Variants in RANBP9 observed in about 807,000 individuals in gnomAD.
The protein encoded by RANBP9 is RAN binding protein 9.
A neutral mutation model predicts 84.3 loss-of-function variants in RANBP9; 15 were observed. The ratio of observed to expected loss-of-function variants is 0.18; its 90% CI spans 0.12 to 0.27. RANBP9 has a LOEUF of 0.27. Ranked by LOEUF, RANBP9 falls within the 10% of genes least tolerant of loss-of-function variation. RANBP9 has a pLI of 1.00. For synonymous variants in RANBP9, 392 were observed against 349.6 expected (o/e 1.12, Z -1.35); for missense variants, 809 against 912.8 (o/e 0.89, Z 1.46).
At chr6:13,687,100 T>C (rs1399878346) in intron 2 of RANBP9, among the ~76,000 whole-genome samples, 1 of 152,202 alleles carries the variant, frequency 6.6e-6, no homozygotes, top group Non-Finnish European at 1.5e-5. Flanking sequence ...CCTTTAAATA[T>C]GGTGTTTCAG....
chr6:13,685,819 TG>T (rs577767427), intron 2 of RANBP9, among the ~76,000 whole-genome samples: 2 of 150,442 alleles, frequency 1.3e-5, no homozygotes, highest in South Asian at 4.2e-4. Flanking sequence ...TCCCAGCTAA[TG>T]GGAGGGAGGC....
rs185449872 is a variant in RANBP9, at chr6:13,706,985, G to A, written c.571+3950C>T. Among the ~76,000 whole-genome samples the A allele has an allele frequency of 2.8e-3, 382 of 137,016 alleles. 1 individual carries two copies. Among genetic ancestry groups the A allele is most frequent in the South Asian group, 3.4e-3 (15 of 4,364 alleles). 89.9% of individuals were successfully genotyped at this position (137,016 alleles called of 152,430 possible). A position where few individuals can be genotyped will look rare whatever the true frequency, so the allele number is the denominator to read the frequency against. Reference sequence around the variant, plus strand: ...TGTACCACCGCACTCCAGCCTGGACGATAGAGCAAGACTCTGTCTCAAAAA... The same window carrying A: ...TGTACCACCGCACTCCAGCCTGGACAATAGAGCAAGACTCTGTCTCAAAAA... On this transcript the variant is annotated intron_variant, in intron 1 of 13. Transcript: ENST00000011619.
At chr6:13,698,457 A>G (rs1008458994) in intron 1 of RANBP9, among the ~76,000 whole-genome samples, 1 of 152,246 alleles carries the variant, frequency 6.6e-6, no homozygotes, top group African/African-American at 2.4e-5. Context: ...AAATATGTTC[A>G]AATAATTAAG....
chr6:13,702,285 A>C (rs1477411742), intron 1 of RANBP9, among the ~76,000 whole-genome samples: 1 of 152,110 alleles, frequency 6.6e-6, no homozygotes, highest in Non-Finnish European at 1.5e-5. Flanking sequence ...TCTACTAAAA[A>C]CATAAAACTT....
At chr6:13,661,802 C>G (rs140524982) in intron 2 of RANBP9, among the ~76,000 whole-genome samples, 16 of 152,148 alleles carry the variant, frequency 1.1e-4, no homozygotes, top group African/African-American at 3.9e-4. Flanking sequence ...ATATCAATCA[C>G]GGGCATAATC....
At chr6:13,681,467 G>A (rs1271398591) in intron 2 of RANBP9, among the ~76,000 whole-genome samples, 3 of 152,100 alleles carry the variant, frequency 2.0e-5, no homozygotes, top group Admixed American at 1.3e-4. Flanking sequence ...AAAAGGTGCT[G>A]AAGAGGTTAC....
At chr6:13,671,140 G>C (rs1255958248) in intron 2 of RANBP9, among the ~76,000 whole-genome samples, 1 of 152,100 alleles carries the variant, frequency 6.6e-6, no homozygotes, top group Non-Finnish European at 1.5e-5. Flanking sequence ...CATACACTAG[G>C]ATGGCTAGAA....
At chr6:13,632,807 A>T (rs1349504386) in intron 11 of RANBP9, 1 of 207,630 alleles carries the variant, frequency 4.8e-6, no homozygotes, top group East Asian at 1.0e-4. Context: ...TAGAAAAAGT[A>T]TAATTCCCTA....
intron 2 of RANBP9, among the ~76,000 whole-genome samples, chr6:13,675,290 A>G (rs1168898484): frequency 7.2e-5 from 11 of 152,352 alleles, no homozygotes; most frequent in African/African-American, 2.2e-4. Context: ...TGCCTTAACT[A>G]AAGTCATACA....
chr6:13,690,919 A>G (rs1190985302), intron 2 of RANBP9, among the ~76,000 whole-genome samples: 4 of 152,130 alleles, frequency 2.6e-5, no homozygotes, highest in African/African-American at 9.7e-5. Context: ...TAATCCCAAC[A>G]CTTTGGGAGG....
At chr6:13,701,662 T>C in intron 1 of RANBP9, among the ~76,000 whole-genome samples, 1 of 151,112 alleles carries the variant, frequency 6.6e-6, no homozygotes, top group Non-Finnish European at 1.5e-5. Context: ...CCCAGCTACT[T>C]GGGAGGCTGA....
intron 2 of RANBP9, among the ~76,000 whole-genome samples, chr6:13,683,904 T>C (rs923369383): frequency 6.6e-6 from 1 of 152,142 alleles, no homozygotes; most frequent in Non-Finnish European, 1.5e-5. Context: ...ATGATGGTTA[T>C]ATATCTTTAG....
chr6:13,650,616 G>C (rs1000729682), intron 5 of RANBP9, among the ~76,000 whole-genome samples: 1 of 152,106 alleles, frequency 6.6e-6, no homozygotes, highest in Non-Finnish European at 1.5e-5. Context: ...TCATTTTCGT[G>C]ATATTGGTTA....
chr6:13,638,861 G>C (rs559626814), intron 9 of RANBP9, among the ~76,000 whole-genome samples: 17 of 152,198 alleles, frequency 1.1e-4, no homozygotes, highest in African/African-American at 3.6e-4. Context: ...GTTGGGGGTG[G>C]GGGGAGAGGA....
At chr6:13,691,701 A>G (rs1241695421) in intron 2 of RANBP9, among the ~76,000 whole-genome samples, 1 of 152,062 alleles carries the variant, frequency 6.6e-6, no homozygotes, top group Non-Finnish European at 1.5e-5. Context: ...AGTCTCGCAC[A>G]GTCACCTGGG....
chr6:13,698,482 G>A (rs570740051), intron 1 of RANBP9, among the ~76,000 whole-genome samples: 1 of 152,194 alleles, frequency 6.6e-6, no homozygotes, highest in East Asian at 1.9e-4. Context: ...CTGAGAAAAG[G>A]CCATGGAAAC....
chr6:13,634,262 T>C (rs189752010), intron 11 of RANBP9, among the ~76,000 whole-genome samples, 169 bp downstream of exon 11: 10 of 152,328 alleles, frequency 6.6e-5, no homozygotes, highest in African/African-American at 2.4e-4. Flanking sequence ...CTACTTTCTC[T>C]AGCAGCCCAC....
intron 12 of RANBP9, among the ~76,000 whole-genome samples, chr6:13,630,596 G>C (rs934205647): frequency 6.6e-6 from 1 of 152,020 alleles, no homozygotes; most frequent in Non-Finnish European, 1.5e-5. Flanking sequence ...GGACACCTGG[G>C]TCCAAAAACC....
At position 13,622,165 on chromosome 6, in the gene RANBP9, A is replaced by C. The variant is rs944177767; in HGVS notation, c.*197T>G. The C allele has an allele frequency of 2.3e-6, 1 of 436,118 alleles. No individual in the cohort carries two copies. Among genetic ancestry groups the C allele is most frequent in the Non-Finnish European group, 3.7e-6 (1 of 270,528 alleles). 27.0% of individuals were successfully genotyped at this position (436,118 alleles called of 1,614,324 possible). ...TAACTCTTAGACAACTAAGAGGTTA[A>C]AGATGGAAAATAATTTCTCCTAACA... On this transcript the variant is annotated 3_prime_UTR_variant, in exon 14 of 14. Transcript: ENST00000011619.
Sources: gnomAD v4.1 joint callset for allele counts (sites outside exome capture counted in the v4.1 genomes callset) on GRCh38, gnomAD v4.1.1 for gene constraint, MANE v1.5 for transcripts, NCBI Gene and HGNC (gene_info 2026-07-23, HGNC 2026-07-21) for gene names.